Variants in LINGO1 observed in about 807,000 individuals in gnomAD.
LINGO1 encodes leucine rich repeat and Ig domain containing 1, also known as leucine-rich repeat and immunoglobulin-like domain-containing nogo receptor-interacting protein 1.
In LINGO1, 11 loss-of-function variants were observed where a neutral mutation model predicts 37.3. The ratio of observed to expected loss-of-function variants is 0.29; its 90% CI spans 0.19 to 0.49. The LOEUF (loss-of-function observed/expected upper bound fraction) is 0.49. LINGO1 is among the 20% of genes least tolerant of loss of function. The pLI, the probability that LINGO1 is intolerant of heterozygous loss-of-function variation, is 0.99. For synonymous variants in LINGO1, 387 were observed against 403.0 expected (o/e 0.96, Z 0.48); for missense variants, 585 against 878.2 (o/e 0.67, Z 4.22).
chr15:77,747,711 G>C (rs1596184866), intron 1 of LINGO1, among the ~76,000 whole-genome samples: 1 of 152,204 alleles, frequency 6.6e-6, no homozygotes, highest in Admixed American at 6.5e-5. Flanking sequence ...AGCCAGGCGG[G>C]CCCCCGCCTC....
At chr15:77,720,526 G>C (rs781037800) in intron 2 of LINGO1, 2 of 152,250 alleles carry the variant, frequency 1.3e-5, no homozygotes, top group Non-Finnish European at 2.9e-5. Flanking sequence ...TGTTTAAAGA[G>C]AGCAGTGGAA....
chr15:77,785,867 G>A (rs1021448123), intron 1 of LINGO1, among the ~76,000 whole-genome samples: 3 of 152,112 alleles, frequency 2.0e-5, no homozygotes, highest in African/African-American at 7.2e-5. Flanking sequence ...ACTTCATGTT[G>A]CTATCCAGAG....
chr15:77,664,282 C>T (rs2075079800), intron 3 of LINGO1, among the ~76,000 whole-genome samples: 1 of 152,050 alleles, frequency 6.6e-6, no homozygotes, highest in Non-Finnish European at 1.5e-5. Context: ...AAATCCCTGG[C>T]CACTGTCACT....
chr15:77,617,960 C>T (rs907397), intron 1 of LINGO1, among the ~76,000 whole-genome samples: 3,402 of 152,296 alleles, frequency 0.022, 138 homozygotes, highest in African/African-American at 0.077. Context: ...TCTCCAGGCT[C>T]TTCTGCAGTT....
At chr15:77,692,030 G>GT (rs2075613332) in intron 1 of LINGO1, among the ~76,000 whole-genome samples, 2 of 152,192 alleles carry the variant, frequency 1.3e-5, no homozygotes, top group South Asian at 4.1e-4. Flanking sequence ...TGGGCAGAGT[G>GT]GGGCTTGAAC....
At chr15:77,757,225 T>C (rs796414108) in intron 1 of LINGO1, among the ~76,000 whole-genome samples, 1 of 152,244 alleles carries the variant, frequency 6.6e-6, no homozygotes, top group African/African-American at 2.4e-5. Context: ...CATTTGAGAC[T>C]TTGATATCTT....
chr15:77,642,831 C>A (rs140675212), intron 3 of LINGO1, among the ~76,000 whole-genome samples: 4 of 152,344 alleles, frequency 2.6e-5, no homozygotes, highest in African/African-American at 9.6e-5. Flanking sequence ...ACGCTTTGAG[C>A]CTCTTCTCCC....
intron 1 of LINGO1, among the ~76,000 whole-genome samples, chr15:77,767,660 A>G (rs1017741411): frequency 8.5e-5 from 13 of 152,168 alleles, no homozygotes; most frequent in African/African-American, 2.7e-4. Context: ...ACATTGGTAG[A>G]GGCTTTCATG....
chr15:77,690,690 G>A (rs2075587978), intron 2 of LINGO1: 1 of 152,274 alleles, frequency 6.6e-6, no homozygotes, highest in South Asian at 2.1e-4. Flanking sequence ...CCAGGAGCCA[G>A]GGAATGGGTA....
At chr15:77,735,607 G>C (rs975028608) in intron 1 of LINGO1, among the ~76,000 whole-genome samples, 2 of 152,248 alleles carry the variant, frequency 1.3e-5, no homozygotes, top group African/African-American at 4.8e-5. Flanking sequence ...AGTACAGGCA[G>C]GTGCAGCAGA....
At chr15:77,617,074 A>G (rs2073751690) in intron 1 of LINGO1, among the ~76,000 whole-genome samples, 1 of 152,130 alleles carries the variant, frequency 6.6e-6, no homozygotes, top group South Asian at 2.1e-4. Flanking sequence ...AGGCTTGTTC[A>G]AGCTGAGCTC....
At chr15:77,728,566 TA>T (rs1182632417) in intron 2 of LINGO1, among the ~76,000 whole-genome samples, 2 of 152,212 alleles carry the variant, frequency 1.3e-5, no homozygotes, top group Non-Finnish European at 2.9e-5. Context: ...GGGATGAAGC[TA>T]ATGGGAACCC....
At chr15:77,728,993 G>T (rs1596163484) in intron 2 of LINGO1, among the ~76,000 whole-genome samples, 2 of 152,240 alleles carry the variant, frequency 1.3e-5, no homozygotes, top group African/African-American at 4.8e-5. Flanking sequence ...CCAAGTATTT[G>T]CAAGGTATTC....
chr15:77,664,116 T>C (rs926693831), intron 3 of LINGO1, among the ~76,000 whole-genome samples: 1 of 148,848 alleles, frequency 6.7e-6, no homozygotes, highest in Non-Finnish European at 1.5e-5. Context: ...TCCTCTCTTC[T>C]GCCACACAGG....
At chr15:77,746,681 C>G (rs1350632827) in intron 1 of LINGO1, among the ~76,000 whole-genome samples, 1 of 152,204 alleles carries the variant, frequency 6.6e-6, no homozygotes, top group East Asian at 1.9e-4. Flanking sequence ...CAGGCAGGAG[C>G]CAGCCGCGCC....
chr15:77,772,002 C>T (rs576988817), intron 1 of LINGO1, among the ~76,000 whole-genome samples: 10 of 152,334 alleles, frequency 6.6e-5, no homozygotes, highest in South Asian at 2.1e-4. Context: ...GATTTAGAGA[C>T]TGCAGGGAAG....
intron 1 of LINGO1, among the ~76,000 whole-genome samples, chr15:77,740,889 G>A (rs1458602860): frequency 6.6e-6 from 1 of 152,234 alleles, no homozygotes; most frequent in African/African-American, 2.4e-5. Flanking sequence ...CTTCTGCCGA[G>A]CTATGCGGCC....
At position 77,819,583 on chromosome 15, in the gene LINGO1, C is replaced by T. The variant is rs1203506772; in HGVS notation, c.-458+675G>A. The T allele has an allele frequency of 1.2e-4, 5 of 41,056 alleles. No homozygotes were observed. In the South Asian group the frequency reaches 6.8e-3, roughly 56 times the overall value. The allele number at this position is 41,056 out of a possible 1,614,324, so 2.5% of individuals were successfully genotyped here. ...CCCGGCGCCCACACTCGCGCACACA[C>T]GCGCACACCCAGGCGCGCACACCCG... On this transcript the variant is annotated intron_variant, in intron 1 of 5. Transcript: ENST00000562933.
rs1328967306 is a variant in LINGO1, at chr15:77,632,692, G to GCGGGGC, written c.-383_-378dup. ...GGGTCGAGGCCGGGCGCGCTCCGCCGCGGGGCCGGGGCCGGCGGGCAGCGG... is the reference window on the plus strand; with the variant it reads ...GGGTCGAGGCCGGGCGCGCTCCGCCGCGGGGCCGGGGCCGGGGCCGGCGGGCAGCGG... On this transcript the variant is annotated 5_prime_UTR_variant, in exon 1 of 2. Coordinates refer to ENST00000355300, the MANE Select transcript of LINGO1 (RefSeq NM_032808.7). The surrounding 1 kb of genome is among the most constrained non-coding windows in gnomAD (Gnocchi z 6.0). 3.4e-5 allele frequency among the ~76,000 whole-genome samples: 5 copies of GCGGGGC among 145,672 alleles called. No homozygotes were observed. The South Asian group carries it at 1.0e-3, about 30-fold the overall frequency.
Sources: allele counts gnomAD v4.1 joint callset (sites outside exome capture counted in the v4.1 genomes callset), GRCh38; gene constraint gnomAD v4.1.1; non-coding constraint Gnocchi (gnomAD v3.1); transcripts MANE v1.5; gene names NCBI Gene and HGNC (gene_info 2026-07-23, HGNC 2026-07-21).